Variants in SMAD4 observed in about 807,000 individuals in gnomAD.
The protein encoded by SMAD4 is SMAD family member 4.
In SMAD4, 7 loss-of-function variants were observed where a neutral mutation model predicts 63.2. That is an observed-to-expected ratio of 0.11 (90% confidence interval 0.06 to 0.21). The LOEUF (loss-of-function observed/expected upper bound fraction) is 0.21, where lower values mean the gene tolerates loss of function less well. Among genes scored for constraint, SMAD4 ranks in the 10% least tolerant of loss-of-function variants. The pLI is 1.00. For synonymous variants in SMAD4, 215 were observed against 235.4 expected (o/e 0.91, Z 0.79); for missense variants, 312 against 693.8 (o/e 0.45, Z 6.18).
At position 51,047,447 on chromosome 18, in the gene SMAD4, T is replaced by C. The variant is rs147126222; in HGVS notation, c.249+152T>C. On this transcript the variant is annotated intron_variant, in intron 2 of 11. Transcript: ENST00000342988. ...TACAAATATGCATTATGGGAATTTC[T>C]GGAAGAATATGCAAAAGATAAAATC... is the stretch of plus-strand genomic sequence containing the variant. 9.0e-5 allele frequency: 63 copies of C among 700,568 alleles called. No homozygotes were observed. In the African/African-American group the frequency reaches 1.0e-3, roughly 12 times the overall value. 43.4% of individuals were successfully genotyped at this position (700,568 alleles called of 1,614,324 possible).
rs979884322 is a variant in SMAD4 at position 51,049,299 on chromosome 18, C to T, written c.429C>T (p.Leu143=). 6.3e-7 allele frequency: 1 copy of T among 1,589,394 alleles called. No homozygotes were observed. Among genetic ancestry groups the T allele is most frequent in the Non-Finnish European group, 8.6e-7 (1 of 1,157,822 alleles). ...YERVVSPGID[L]SGLTLQSNAP... is the part of the protein sequence containing the mutation. ...TTTCCCCTTTAAACAATTAAGATCT[C>T]TCAGGATTAACACTGCAGAGTAATG... The change falls in exon 4 of 12, where the codon CTC becomes CTT. Residue 143 remains leucine, a synonymous_variant. Transcript: ENST00000342988.
intron 4 of SMAD4, chr18:51,053,325 T>C (rs947508234): frequency 1.3e-5 from 2 of 152,192 alleles, no homozygotes; most frequent in Non-Finnish European, 1.5e-5. Context: ...AAGAAAATCA[T>C]TGAACTTTGT....
rs753050193 is a variant in SMAD4 at position 51,058,115 on chromosome 18, G to C, written c.668-10G>C. On this transcript the variant is annotated splice_polypyrimidine_tract_variant and intron_variant, in intron 5 of 11. Coordinates refer to ENST00000342988, the MANE Select transcript of SMAD4 (RefSeq NM_005359.6). Reference sequence around the variant, plus strand: ...GAATGTACCATGTTAATGTCTTCTTGTTCCTCTAGGTCAGCCTGCCAGTAT... The same window carrying C: ...GAATGTACCATGTTAATGTCTTCTTCTTCCTCTAGGTCAGCCTGCCAGTAT... 3 of 1,613,976 alleles carry C rather than the reference G, an allele frequency of 1.9e-6. No individual in the cohort carries two copies. Among genetic ancestry groups the C allele is most frequent in the Non-Finnish European group, 2.5e-6 (3 of 1,179,916 alleles).
chr18:51,061,128 A>C (rs1910000698), intron 8 of SMAD4, among the ~76,000 whole-genome samples: 1 of 152,120 alleles, frequency 6.6e-6, no homozygotes, highest in Admixed American at 6.5e-5. Flanking sequence ...GGCACATGAG[A>C]TGTTTTGATA....
intron 1 of SMAD4, among the ~76,000 whole-genome samples, chr18:51,036,004 T>G (rs1909192892): frequency 6.6e-6 from 1 of 152,130 alleles, no homozygotes; most frequent in Admixed American, 6.5e-5. Context: ...ATCTATTTTT[T>G]AGAGACAGGT....
At chr18:51,064,734 A>G (rs559365603) in intron 8 of SMAD4, among the ~76,000 whole-genome samples, 2 of 152,342 alleles carry the variant, frequency 1.3e-5, no homozygotes, top group South Asian at 4.1e-4. Context: ...AAATTGTGGT[A>G]GTTAACATGA....
Position 51,062,861 on chromosome 18 carries a change from T to TTTTTG in SMAD4, c.956-2558_956-2557insGTTTT, listed in dbSNP as rs1283364312. Among the ~76,000 whole-genome samples, 57 of 131,810 alleles carry TTTTTG rather than the reference T, an allele frequency of 4.3e-4. 4 individuals are homozygous for TTTTTG. Among genetic ancestry groups the TTTTTG allele is most frequent in the African/African-American group, 1.5e-3 (53 of 35,136 alleles). The allele number at this position is 131,810 out of a possible 152,430, so 86.5% of individuals were successfully genotyped here. On this transcript the variant is annotated intron_variant, in intron 8 of 11. Transcript: ENST00000342988. Reference sequence around the variant, plus strand: ...AATCTGGCTTTACTTGTTTTTTTTTTTTTTTTTTTTTTTTGAGACGGAGTC... The same window carrying TTTTTG: ...AATCTGGCTTTACTTGTTTTTTTTTTTTTTGTTTTTTTTTTTTTTGAGACGGAGTC...
At chr18:51,058,055 T>G (rs1909887615) in intron 5 of SMAD4, 70 bp from the exon 6 acceptor site, 1 of 1,582,824 alleles carries the variant, frequency 6.3e-7, no homozygotes, top group Admixed American at 1.7e-5. Context: ...AATTGGTCCT[T>G]CATTTAGTAT....
intron 1 of SMAD4, among the ~76,000 whole-genome samples, chr18:51,038,948 CAT>C (rs1909290383): frequency 6.6e-6 from 1 of 152,000 alleles, no homozygotes; most frequent in African/African-American, 2.4e-5. Context: ...CTCTACTAAA[CAT>C]ACAAAAATTA....
intron 1 of SMAD4, among the ~76,000 whole-genome samples, chr18:51,044,062 T>C (rs1231946680): frequency 6.6e-6 from 1 of 152,248 alleles, no homozygotes; most frequent in Non-Finnish European, 1.5e-5. Context: ...ATGTGTTACA[T>C]TGTAATTTAC....
chr18:51,045,245 C>G (rs1909508762), intron 1 of SMAD4, among the ~76,000 whole-genome samples: 2 of 152,162 alleles, frequency 1.3e-5, no homozygotes, highest in South Asian at 2.1e-4. Context: ...GATACTTTAA[C>G]AAAGGTCTTC....
chr18:51,053,827 GA>G (rs1372870117), intron 4 of SMAD4: 1 of 152,164 alleles, frequency 6.6e-6, no homozygotes, highest in African/African-American at 2.4e-5. Flanking sequence ...TTTAAGAAGA[GA>G]ACCTACTGTT....
chr18:51,030,853 C>T (rs1355851361), intron 1 of SMAD4, among the ~76,000 whole-genome samples: 2 of 151,730 alleles, frequency 1.3e-5, no homozygotes, highest in Admixed American at 6.6e-5. Context: ...GCTCCGCTTG[C>T]AGCTCGTGGG....
chr18:51,061,023 G>A (rs1909997822), intron 8 of SMAD4, among the ~76,000 whole-genome samples: 1 of 151,884 alleles, frequency 6.6e-6, no homozygotes, highest in African/African-American at 2.4e-5. Context: ...ATAGACGTGA[G>A]CCACCACACC....
chr18:51,073,508 C>T (rs1349840872), intron 10 of SMAD4, among the ~76,000 whole-genome samples: 1 of 149,388 alleles, frequency 6.7e-6, no homozygotes, highest in Non-Finnish European at 1.5e-5. Flanking sequence ...TATAAAACTT[C>T]TAGAAGATAA....
At chr18:51,069,575 C>T (rs1162181123) in intron 10 of SMAD4, among the ~76,000 whole-genome samples, 3 of 152,226 alleles carry the variant, frequency 2.0e-5, no homozygotes, top group African/African-American at 7.2e-5. Flanking sequence ...CTTACCCTGG[C>T]ATCTGGGATT....
chr18:51,032,551 A>C (rs73436532), intron 1 of SMAD4, among the ~76,000 whole-genome samples: 26 of 152,332 alleles, frequency 1.7e-4, no homozygotes, highest in Admixed American at 8.5e-4. Context: ...GCTACATTTT[A>C]GTCGAGCGAT....
intron 8 of SMAD4, among the ~76,000 whole-genome samples, chr18:51,062,848 C>CGTT (rs1910051251): frequency 1.2e-5 from 1 of 83,598 alleles, no homozygotes. Context: ...TCTGGCTTTA[C>CGTT]TTGTTTTTTT....
At chr18:51,033,413 C>T (rs1178486667) in intron 1 of SMAD4, among the ~76,000 whole-genome samples, 1 of 152,192 alleles carries the variant, frequency 6.6e-6, no homozygotes, top group African/African-American at 2.4e-5. Flanking sequence ...TGGTCTTGAA[C>T]AACTGACCTC....
Sources: allele counts gnomAD v4.1 joint callset (sites outside exome capture counted in the v4.1 genomes callset), GRCh38; gene constraint gnomAD v4.1.1; transcripts MANE v1.5; gene names NCBI Gene and HGNC (gene_info 2026-07-23, HGNC 2026-07-21).